The following CD38 variants were observed in gnomAD, a reference collection of about 807,000 sequenced individuals.
The protein encoded by CD38 is CD38 molecule, also known as ADP-ribosyl cyclase/cyclic ADP-ribose hydrolase 1.
CD38 carries 31 observed loss-of-function variants against 36.3 expected under a neutral mutation model. The observed-to-expected ratio is 0.85, with a 90% CI of 0.64 to 1.15. CD38 has a LOEUF of 1.15. Ranked by LOEUF, CD38 falls within the 50% of genes most tolerant of loss-of-function variation. CD38 has a pLI of 0.00. For synonymous variants in CD38, 131 were observed against 135.2 expected, an observed-to-expected ratio of 0.97 and a Z score of 0.22; for missense variants, 380 against 371.9, an observed-to-expected ratio of 1.02 and a Z score of -0.18.
chr4:15,825,533 A>G (rs1723828021), intron 3 of CD38: 1 of 152,716 alleles, frequency 6.5e-6, no homozygotes, highest in African/African-American at 2.4e-5. Flanking sequence ...TTTCAACATA[A>G]GGTTTGGAGA....
intron 1 of CD38, among the ~76,000 whole-genome samples, chr4:15,801,408 T>G (rs1383926834): frequency 6.6e-6 from 1 of 151,910 alleles, no homozygotes; most frequent in East Asian, 1.9e-4. Context: ...TCCAAAAAAT[T>G]GAAGGGAAGA....
At chr4:15,802,506 A>G (rs1367522006) in intron 1 of CD38, among the ~76,000 whole-genome samples, 2 of 75,042 alleles carry the variant, frequency 2.7e-5, no homozygotes, top group African/African-American at 2.0e-4. Context: ...ATTTTATTTT[A>G]TTTTATTTTA....
intron 4 of CD38, among the ~76,000 whole-genome samples, chr4:15,836,342 C>T (rs1724069910): frequency 6.6e-6 from 1 of 152,164 alleles, no homozygotes; most frequent in African/African-American, 2.4e-5. Context: ...GGAGCCCTTT[C>T]ATAAGGGTGT....
intron 1 of CD38, among the ~76,000 whole-genome samples, chr4:15,813,479 G>A (rs1328930041): frequency 2.6e-5 from 4 of 152,082 alleles, no homozygotes; most frequent in Admixed American, 2.6e-4. Context: ...TGCAGAACGT[G>A]CAGGTTTGTT....
At chr4:15,783,089 C>T (rs1722732883) in intron 1 of CD38, among the ~76,000 whole-genome samples, 1 of 152,166 alleles carries the variant, frequency 6.6e-6, no homozygotes. Context: ...GGGCCACACA[C>T]AAGAGCTGCC....
At chr4:15,813,208 G>C (rs1417727891) in intron 1 of CD38, among the ~76,000 whole-genome samples, 1 of 152,118 alleles carries the variant, frequency 6.6e-6, no homozygotes, top group Admixed American at 6.5e-5. Flanking sequence ...GATTTTAAGG[G>C]GGAGCATCCA....
intron 1 of CD38, among the ~76,000 whole-genome samples, chr4:15,804,580 T>G (rs1577643525): frequency 6.6e-6 from 1 of 152,174 alleles, no homozygotes; most frequent in Non-Finnish European, 1.5e-5. Context: ...GACAATGGAA[T>G]GCAGCCATAA....
intron 2 of CD38, among the ~76,000 whole-genome samples, chr4:15,824,073 C>T (rs548035706): frequency 6.6e-6 from 1 of 152,098 alleles, no homozygotes; most frequent in Non-Finnish European, 1.5e-5. Flanking sequence ...TGCATGTTCT[C>T]ACTTATAAGT....
intron 1 of CD38, among the ~76,000 whole-genome samples, chr4:15,788,840 AT>A (rs1480748402): frequency 1.3e-4 from 20 of 152,348 alleles, no homozygotes; most frequent in African/African-American, 4.8e-4. Context: ...TTCAGAGAAT[AT>A]TTTGAGGCTC....
At chr4:15,803,323 A>C in intron 1 of CD38, among the ~76,000 whole-genome samples, 1 of 152,242 alleles carries the variant, frequency 6.6e-6, no homozygotes, top group East Asian at 1.9e-4. Context: ...CAAAGTAAAC[A>C]ATCAACAGAG....
intron 2 of CD38, among the ~76,000 whole-genome samples, 198 bp from the exon 3 acceptor site, chr4:15,824,681 AAC>A (rs3832313): frequency 0.23 from 35,308 of 150,486 alleles, 4,314 homozygotes; most frequent in East Asian, 0.33. Flanking sequence ...TGTGACCTAG[AAC>A]ACACACACAC....
At chr4:15,817,570 C>T (rs899577753) in intron 2 of CD38, among the ~76,000 whole-genome samples, 3 of 152,130 alleles carry the variant, frequency 2.0e-5, no homozygotes, top group Non-Finnish European at 4.4e-5. Flanking sequence ...AGTTAATTTC[C>T]CTAGCACCCC....
intron 1 of CD38, among the ~76,000 whole-genome samples, chr4:15,810,941 G>T (rs1723455009): frequency 6.6e-6 from 1 of 152,172 alleles, no homozygotes; most frequent in Non-Finnish European, 1.5e-5. Context: ...AGTTTCAAAT[G>T]GGACATAATT....
intron 1 of CD38, among the ~76,000 whole-genome samples, chr4:15,787,792 A>T (rs3775954): frequency 2.6e-5 from 4 of 151,998 alleles, no homozygotes; most frequent in African/African-American, 9.7e-5. Context: ...CAGCAGTCTC[A>T]ATAAACTGGA....
At chr4:15,796,140 C>G (rs1174929596) in intron 1 of CD38, among the ~76,000 whole-genome samples, 8 of 151,988 alleles carry the variant, frequency 5.3e-5, no homozygotes. Flanking sequence ...CAAAGAAGGA[C>G]TGAAAACACC....
At chr4:15,807,139 G>A (rs1312621728) in intron 1 of CD38, among the ~76,000 whole-genome samples, 1 of 152,158 alleles carries the variant, frequency 6.6e-6, no homozygotes, top group Non-Finnish European at 1.5e-5. Flanking sequence ...GGTTTTATCC[G>A]ATGACGTTAG....
chr4:15,778,916 C>T lies in CD38; in HGVS notation c.233+269C>T, dbSNP rs6834674. On this transcript the variant is annotated intron_variant, in intron 1 of 7. Coordinates refer to ENST00000226279, the MANE Select transcript of CD38 (RefSeq NM_001775.4). This position sits in a 1 kb window ranked among gnomAD's most constrained non-coding sequence, Gnocchi z 4.9. Reference sequence around the variant, plus strand: ...TGCGTAGCCGGTGAACACTTGGCACCGATGCCCGCCTTCTGGGCAAGGTGC... The same window carrying T: ...TGCGTAGCCGGTGAACACTTGGCACTGATGCCCGCCTTCTGGGCAAGGTGC... Among the ~76,000 whole-genome samples the T allele has an allele frequency of 0.28, 43,094 of 151,950 alleles. 6,543 individuals are homozygous for T. The highest frequency in any genetic ancestry group is 0.33 in the African/African-American group (13,869 of 41,480).
At chr4:15,830,403 T>C (rs1475166900) in intron 3 of CD38, among the ~76,000 whole-genome samples, 2 of 152,246 alleles carry the variant, frequency 1.3e-5, no homozygotes, top group East Asian at 1.9e-4. Flanking sequence ...TTGAGAAATA[T>C]GTATTCAAAT....
At chr4:15,819,804 A>C (rs1388480834) in intron 2 of CD38, among the ~76,000 whole-genome samples, 1 of 152,236 alleles carries the variant, frequency 6.6e-6, no homozygotes, top group Non-Finnish European at 1.5e-5. Context: ...GAATGAAACC[A>C]CGTTGGAAAA....
Sources: gnomAD v4.1 joint callset for allele counts (sites outside exome capture counted in the v4.1 genomes callset) on GRCh38, gnomAD v4.1.1 for gene constraint, Gnocchi (gnomAD v3.1) non-coding constraint, MANE v1.5 for transcripts, NCBI Gene and HGNC (gene_info 2026-07-23, HGNC 2026-07-21) for gene names.